The following FRMD4B variants were observed in gnomAD, a reference collection of about 807,000 sequenced individuals.
FRMD4B encodes the protein FERM domain-containing protein 4B.
In FRMD4B, 74 loss-of-function variants were observed where a neutral mutation model predicts 141.5. The observed-to-expected ratio is 0.52, with a 90% CI of 0.43 to 0.63. FRMD4B has a LOEUF of 0.63. Ranked by LOEUF, FRMD4B falls within the 30% of genes least tolerant of loss-of-function variation. FRMD4B has a pLI of 0.00. For missense variants in FRMD4B, 1,366 were observed against 1,253.4 expected (o/e 1.09, Z -1.36); for synonymous variants, 506 against 467.9 (o/e 1.08, Z -1.05).
intron 5 of FRMD4B, among the ~76,000 whole-genome samples, chr3:69,260,429 C>T (rs918282314): frequency 6.6e-5 from 10 of 152,246 alleles, no homozygotes; most frequent in African/African-American, 2.2e-4. Context: ...CCAGCAGCTG[C>T]GGAGGGTGCA....
At chr3:69,316,669 C>T (rs1048289483) in intron 1 of FRMD4B, among the ~76,000 whole-genome samples, 9 of 151,930 alleles carry the variant, frequency 5.9e-5, no homozygotes, top group Admixed American at 3.3e-4. Flanking sequence ...GTAAAACAAC[C>T]TTCAAAAGCT....
At chr3:69,247,501 GC>G (rs1413724428) in intron 7 of FRMD4B, among the ~76,000 whole-genome samples, 4 of 152,164 alleles carry the variant, frequency 2.6e-5, no homozygotes, top group Non-Finnish European at 5.9e-5. Context: ...AGACACAGCA[GC>G]TTTTTTCTGA....
intron 1 of FRMD4B, among the ~76,000 whole-genome samples, chr3:69,540,549 G>C (rs1701157969): frequency 6.9e-6 from 1 of 145,254 alleles, no homozygotes; most frequent in South Asian, 2.2e-4. Context: ...GGGAGGCAGA[G>C]GTTGCAGTGA....
upstream of FRMD4B, chr3:69,386,453 C>T (rs13083679): frequency 0.15 from 23,973 of 154,938 alleles, 1,990 homozygotes; most frequent in Admixed American, 0.21. Flanking sequence ...CACACAGACA[C>T]ACACCCCCCA....
rs1176188747 is a variant in FRMD4B, at chr3:69,281,840, T to A, written c.501+5912A>T. On this transcript the variant is annotated intron_variant, in intron 5 of 22. Coordinates refer to ENST00000398540, the MANE Select transcript of FRMD4B (RefSeq NM_015123.3). ...CTCCGTCTCAAAAAAAAAAAAAAAATATATATATATATTTTTGCTTACAGT... is the reference window on the plus strand; with the variant it reads ...CTCCGTCTCAAAAAAAAAAAAAAAAAATATATATATATTTTTGCTTACAGT... Among the ~76,000 whole-genome samples, 510 of 135,464 alleles carry A rather than the reference T, an allele frequency of 3.8e-3. 4 individuals are homozygous for A. The highest frequency in any genetic ancestry group is 0.013 in the African/African-American group (492 of 37,206). 88.9% of individuals were successfully genotyped at this position (135,464 alleles called of 152,430 possible). A position where few individuals can be genotyped will look rare whatever the true frequency, so the allele number is the denominator to read the frequency against.
chr3:69,313,665 T>C (rs1701686224), intron 1 of FRMD4B, 148 bp from the exon 2 acceptor site: 1 of 614,688 alleles, frequency 1.6e-6, no homozygotes, highest in Admixed American at 2.9e-5. Flanking sequence ...CAAAAACAGA[T>C]TTATTATATG....
chr3:69,185,254 T>C (rs1234933466), intron 19 of FRMD4B, among the ~76,000 whole-genome samples: 1 of 141,654 alleles, frequency 7.1e-6, no homozygotes, highest in African/African-American at 2.6e-5. Context: ...TAAGCTGAGA[T>C]GGCACCACTG....
intron 2 of FRMD4B, among the ~76,000 whole-genome samples, chr3:69,417,298 A>G (rs984495191): frequency 6.6e-6 from 1 of 152,158 alleles, no homozygotes; most frequent in Non-Finnish European, 1.5e-5. Context: ...TTCTCTAATG[A>G]CCAGTGACGA....
At chr3:69,236,524 C>T (rs552945143) in intron 7 of FRMD4B, among the ~76,000 whole-genome samples, 2 of 152,032 alleles carry the variant, frequency 1.3e-5, no homozygotes, top group Admixed American at 6.6e-5. Flanking sequence ...CCACCGTGCC[C>T]GGCCCCAAAT....
At chr3:69,510,628 G>C (rs1706672493) in intron 1 of FRMD4B, among the ~76,000 whole-genome samples, 1 of 152,146 alleles carries the variant, frequency 6.6e-6, no homozygotes, top group Non-Finnish European at 1.5e-5. Context: ...TAGGGCTACA[G>C]AGCTCTAACA....
At chr3:69,430,475 A>G (rs1353161828) in intron 2 of FRMD4B, among the ~76,000 whole-genome samples, 5 of 152,118 alleles carry the variant, frequency 3.3e-5, no homozygotes. Context: ...TGTTGTAAAG[A>G]TGTTGTCTGT....
At position 69,344,005 on chromosome 3, in the gene FRMD4B, C is replaced by G. The variant is rs1189540053; in HGVS notation, c.163-30488G>C. Among the ~76,000 whole-genome samples the G allele has an allele frequency of 2.6e-5, 4 of 152,318 alleles. No individual in the cohort carries two copies. In the East Asian group the frequency reaches 7.7e-4, roughly 29 times the overall value. The stretch of plus-strand genomic sequence containing the variant: ...AAGTATAGTGGCTGCATCTTATTCA[C>G]CTCTGTAAGCCGAAGCCTGACACAT... On this transcript the variant is annotated intron_variant, in intron 1 of 22. Transcript: ENST00000398540.
chr3:69,442,793 T>C (rs948676605), intron 1 of FRMD4B, among the ~76,000 whole-genome samples: 5 of 152,132 alleles, frequency 3.3e-5, no homozygotes, highest in African/African-American at 1.2e-4. Flanking sequence ...ATAAACATTA[T>C]CAGGGCAACA....
chr3:69,256,344 G>A (rs1238713307), intron 5 of FRMD4B, among the ~76,000 whole-genome samples: 3 of 152,132 alleles, frequency 2.0e-5, no homozygotes, highest in Non-Finnish European at 4.4e-5. Flanking sequence ...TTTTGAGATG[G>A]AGTCTCACTC....
Position 69,333,122 on chromosome 3 carries a change from G to A in FRMD4B, c.163-19605C>T, listed in dbSNP as rs545820755. ...TGCAGTGCTCCATCGTTATGGTCTT[G>A]GCTGCCTCGATGGCTCAGCCTGCCA... On this transcript the variant is annotated intron_variant, in intron 1 of 22. Coordinates refer to ENST00000398540, the MANE Select transcript of FRMD4B (RefSeq NM_015123.3). Among the ~76,000 whole-genome samples, 5 of 152,164 alleles carry A rather than the reference G, an allele frequency of 3.3e-5. No individual in the cohort carries two copies. The South Asian group carries it at 1.0e-3, about 32-fold the overall frequency.
At chr3:69,428,275 A>G (rs1705118561) in intron 2 of FRMD4B, among the ~76,000 whole-genome samples, 1 of 151,398 alleles carries the variant, frequency 6.6e-6, no homozygotes, top group African/African-American at 2.4e-5. Flanking sequence ...GGGGCATGTT[A>G]CATAACCTCT....
chr3:69,503,852 G>A (rs901083135), intron 1 of FRMD4B, among the ~76,000 whole-genome samples: 1 of 152,114 alleles, frequency 6.6e-6, no homozygotes, highest in African/African-American at 2.4e-5. Context: ...ACCCATTACA[G>A]CCTCACTGTC....
intron 1 of FRMD4B, among the ~76,000 whole-genome samples, chr3:69,468,245 C>T (rs1705826967): frequency 6.6e-6 from 1 of 151,996 alleles, no homozygotes; most frequent in East Asian, 1.9e-4. Context: ...TCCCAACAAT[C>T]ATCAATTCAT....
At chr3:69,185,871 A>C (rs771019566) in intron 19 of FRMD4B, among the ~76,000 whole-genome samples, 1 of 151,578 alleles carries the variant, frequency 6.6e-6, no homozygotes, top group Non-Finnish European at 1.5e-5. Flanking sequence ...GTGAAACTCT[A>C]TCTCTACTAA....
Sources: allele counts gnomAD v4.1 joint callset (sites outside exome capture counted in the v4.1 genomes callset), GRCh38; gene constraint gnomAD v4.1.1; transcripts MANE v1.5; gene names NCBI Gene and HGNC (gene_info 2026-07-23, HGNC 2026-07-21).